Variants in GRAMD1B observed in about 807,000 individuals in gnomAD.
The protein encoded by GRAMD1B is protein Aster-B.
A neutral mutation model predicts 99.7 loss-of-function variants in GRAMD1B; 37 were observed. The observed-to-expected ratio is 0.37, with a 90% CI of 0.29 to 0.49. The LOEUF is 0.49. Ranked by LOEUF, GRAMD1B falls within the 20% of genes least tolerant of loss-of-function variation. The pLI is 0.98. For missense variants in GRAMD1B, 888 were observed against 1,009.2 expected (o/e 0.88, Z 1.63); for synonymous variants, 427 against 387.6 (o/e 1.10, Z -1.19).
intron 2 of GRAMD1B, among the ~76,000 whole-genome samples, chr11:123,501,598 G>T (rs991240745): frequency 3.3e-5 from 5 of 152,094 alleles, no homozygotes; most frequent in Non-Finnish European, 7.4e-5. Context: ...TTTCTAACTT[G>T]CTGGAATTGG....
intron 3 of GRAMD1B, chr11:123,578,518 C>A: frequency 2.2e-6 from 2 of 924,846 alleles, no homozygotes; most frequent in Non-Finnish European, 3.4e-6. Context: ...CTGGCCCTGC[C>A]GATTCTGGCC....
intron 1 of GRAMD1B, among the ~76,000 whole-genome samples, chr11:123,456,728 T>C (rs576949437): frequency 6.6e-6 from 1 of 152,080 alleles, no homozygotes; most frequent in South Asian, 2.1e-4. Flanking sequence ...GAGACCAGAC[T>C]GGTCAAAATG....
intron 4 of GRAMD1B, among the ~76,000 whole-genome samples, chr11:123,585,743 A>T (rs1950004510): frequency 6.6e-6 from 1 of 152,166 alleles, no homozygotes; most frequent in African/African-American, 2.4e-5. Context: ...GCAGCATCGC[A>T]CAAACTCAGG....
chr11:123,589,024 C>G (rs562372477), intron 4 of GRAMD1B, among the ~76,000 whole-genome samples: 1 of 151,704 alleles, frequency 6.6e-6, no homozygotes, highest in Non-Finnish European at 1.5e-5. Context: ...TAATTTTATG[C>G]ACAAAGAAAA....
At chr11:123,442,514 A>G (rs537140266) in intron 1 of GRAMD1B, among the ~76,000 whole-genome samples, 3 of 152,216 alleles carry the variant, frequency 2.0e-5, no homozygotes, top group Admixed American at 6.5e-5. Context: ...TCATGCCTAT[A>G]ATCCCAGCAC....
chr11:123,533,437 A>AT (rs767764144), intron 2 of GRAMD1B, among the ~76,000 whole-genome samples: 63 of 149,266 alleles, frequency 4.2e-4, no homozygotes, highest in Admixed American at 3.7e-3. Context: ...ATTTTATTTT[A>AT]TTTTTTTAAG....
intron 1 of GRAMD1B, among the ~76,000 whole-genome samples, chr11:123,422,996 T>C (rs10893035): frequency 0.25 from 38,629 of 152,050 alleles, 6,147 homozygotes; most frequent in African/African-American, 0.43. Context: ...TTGATAGGCA[T>C]TCAAAAAATA....
intron 1 of GRAMD1B, among the ~76,000 whole-genome samples, chr11:123,393,296 T>C (rs1947344091): frequency 6.6e-6 from 1 of 152,236 alleles, no homozygotes; most frequent in Non-Finnish European, 1.5e-5. Flanking sequence ...ATCCTTTCCT[T>C]TTTATTTCTA....
intron 1 of GRAMD1B, among the ~76,000 whole-genome samples, chr11:123,436,663 G>A (rs1467125243): frequency 2.6e-5 from 4 of 152,290 alleles, no homozygotes; most frequent in East Asian, 1.9e-4. Flanking sequence ...GGGAGGAAGC[G>A]TGGGGAGGTG....
intron 1 of GRAMD1B, among the ~76,000 whole-genome samples, chr11:123,452,043 G>C (rs1019427309): frequency 6.6e-6 from 1 of 151,908 alleles, no homozygotes; most frequent in Non-Finnish European, 1.5e-5. Context: ...TATGTTTTCC[G>C]GGTTAGTCTT....
In GRAMD1B at chr11:123,545,523, G is replaced by A. The variant is rs1408367359; in HGVS notation, c.453-31844G>A. Among the ~76,000 whole-genome samples, 3 of 152,178 alleles carry A rather than the reference G, an allele frequency of 2.0e-5. No homozygotes were observed. The East Asian group carries it at 5.8e-4, about 29-fold the overall frequency. ...AGTGGTCAAGAGCAGGTATCCTGGA[G>A]CCAGGCCCCTGGGTTTGAATCCTAG... On this transcript the variant is annotated intron_variant, in intron 2 of 19. Transcript: ENST00000635736.
At chr11:123,454,525 C>T (rs1281079480) in intron 1 of GRAMD1B, 1 of 152,200 alleles carries the variant, frequency 6.6e-6, no homozygotes, top group African/African-American at 2.4e-5. Context: ...ACTTTTGGAA[C>T]CTGATCTGCC....
chr11:123,487,641 G>A (rs1313488023), intron 2 of GRAMD1B, among the ~76,000 whole-genome samples: 6 of 152,196 alleles, frequency 3.9e-5, no homozygotes, highest in Non-Finnish European at 7.3e-5. Flanking sequence ...GTCTTGCTTT[G>A]TCACCCAGGC....
At chr11:123,611,216 G>A (rs1241757644) in intron 14 of GRAMD1B, among the ~76,000 whole-genome samples, 1 of 152,044 alleles carries the variant, frequency 6.6e-6, no homozygotes, top group Non-Finnish European at 1.5e-5. Context: ...AGGAGGGATT[G>A]CTTGAGCCCA....
chr11:123,578,486 T>C, intron 3 of GRAMD1B: 15 of 1,268,468 alleles, frequency 1.2e-5, no homozygotes, highest in Non-Finnish European at 1.7e-5. Flanking sequence ...GATCTGTCTG[T>C]AGTGCTCAGC....
At chr11:123,427,050 G>A (rs1003245300), upstream of GRAMD1B, among the ~76,000 whole-genome samples, 1 of 152,200 alleles carries the variant, frequency 6.6e-6, no homozygotes, top group Non-Finnish European at 1.5e-5. Flanking sequence ...ACCTGTCTGG[G>A]GAAGCGGGGA....
At chr11:123,413,087 T>C (rs2714061) in intron 1 of GRAMD1B, among the ~76,000 whole-genome samples, 30,223 of 152,080 alleles carry the variant, frequency 0.2, 3,235 homozygotes, top group African/African-American at 0.25. Flanking sequence ...CAGCCTGCAC[T>C]CTCTTTTTTA....
intron 1 of GRAMD1B, among the ~76,000 whole-genome samples, chr11:123,368,356 C>A (rs571111578): frequency 6.7e-6 from 1 of 150,168 alleles, no homozygotes; most frequent in African/African-American, 2.5e-5. Flanking sequence ...GGCCATAACT[C>A]GAGATAAAAT....
rs1169215795 is a variant in GRAMD1B, at chr11:123,626,183, G to C, written c.*3588G>C. ...TTATTGGTAGAAGAAACAGTGGAGA[G>C]TAGCCACTTCTGGTTCTAGCACTTC... On this transcript the variant is annotated 3_prime_UTR_variant, in exon 20 of 20. Transcript: ENST00000635736. The C allele has an allele frequency of 6.6e-6, 1 of 152,178 alleles. No homozygotes were observed. The highest frequency in any genetic ancestry group is 1.5e-5 in the Non-Finnish European group (1 of 68,048). 9.4% of individuals were successfully genotyped at this position (152,178 alleles called of 1,614,324 possible).
Sources: allele counts gnomAD v4.1 joint callset (sites outside exome capture counted in the v4.1 genomes callset), GRCh38; gene constraint gnomAD v4.1.1; transcripts MANE v1.5; gene names NCBI Gene and HGNC (gene_info 2026-07-23, HGNC 2026-07-21).